EP300: variants seen among roughly 807,000 people sequenced by gnomAD.
EP300 encodes the protein EP300 lysine acetyltransferase, also known as histone acetyltransferase p300.
A neutral mutation model predicts 264.0 loss-of-function variants in EP300; 31 were observed. That is an observed-to-expected ratio of 0.12 (90% CI 0.09 to 0.16). The LOEUF is 0.16. Ranked by LOEUF, EP300 falls within the 10% of genes least tolerant of loss-of-function variation. EP300 has a pLI of 1.00. For missense variants in EP300, 2,766 were observed against 3,052.9 expected, an observed-to-expected ratio of 0.91 and a Z score of 2.21; for synonymous variants, 1,340 against 1,045.4, an observed-to-expected ratio of 1.28 and a Z score of -5.44.
chr22:41,167,427 A>C (rs2059140697), intron 23 of EP300, among the ~76,000 whole-genome samples: 1 of 151,654 alleles, frequency 6.6e-6, no homozygotes, highest in South Asian at 2.1e-4. Flanking sequence ...TATTTGATTT[A>C]GTTTTGGGGT....
intron 22 of EP300, among the ~76,000 whole-genome samples, chr22:41,164,725 G>C (rs574822846): frequency 6.6e-6 from 1 of 152,030 alleles, no homozygotes; most frequent in Non-Finnish European, 1.5e-5. Flanking sequence ...AAAGAAAAAA[G>C]TAAATGCTTT....
At chr22:41,110,897 CCTTTA>C (rs1392076098) in intron 1 of EP300, among the ~76,000 whole-genome samples, 4 of 151,388 alleles carry the variant, frequency 2.6e-5, no homozygotes, top group African/African-American at 9.7e-5. Flanking sequence ...GTTTAGTCAG[CCTTTA>C]CTTTTGAGTT....
chr22:41,113,253 C>T lies in EP300; in HGVS notation c.95-3934C>T, dbSNP rs548201719. ...TTTATTAAGGTTTGAGTATTTTCTC[C>T]GGAATTTATTTATTTTGTATGTTTT... On this transcript the variant is annotated intron_variant, in intron 1 of 30. Coordinates refer to ENST00000263253, the MANE Select transcript of EP300 (RefSeq NM_001429.4). Among the ~76,000 whole-genome samples the T allele has an allele frequency of 6.3e-5, 9 of 143,074 alleles. No homozygotes were observed. The East Asian group carries it at 6.5e-4, about 10-fold the overall frequency. The allele number at this position is 143,074 out of a possible 152,430, so 93.9% of individuals were successfully genotyped here. A position where few individuals can be genotyped will look rare whatever the true frequency, so the allele number is the denominator to read the frequency against.
chr22:41,132,490 T>C (rs956265152), intron 6 of EP300, among the ~76,000 whole-genome samples: 5 of 151,872 alleles, frequency 3.3e-5, no homozygotes, highest in Non-Finnish European at 7.4e-5. Flanking sequence ...GTTTTCACCA[T>C]GTTGGCCATG....
At chr22:41,164,157 T>C in intron 22 of EP300, 27 bp downstream of exon 22, 2 of 1,607,220 alleles carry the variant, frequency 1.2e-6, no homozygotes, top group Non-Finnish European at 1.7e-6. Flanking sequence ...TTACTTTCTC[T>C]GGAATTTTTC....
chr22:41,136,608 C>T (rs1332485440), intron 7 of EP300, among the ~76,000 whole-genome samples: 1 of 151,924 alleles, frequency 6.6e-6, no homozygotes, highest in Non-Finnish European at 1.5e-5. Flanking sequence ...CTCTGGTGAG[C>T]CGTGATTACA....
intron 5 of EP300, among the ~76,000 whole-genome samples, chr22:41,130,533 AAAAACAAAAC>A (rs143829701): frequency 3.3e-5 from 5 of 151,858 alleles, no homozygotes; most frequent in African/African-American, 1.2e-4. Flanking sequence ...TGTCTTTAAA[AAAAACAAAAC>A]AAAACAAAAC....
chr22:41,140,977 T>C, intron 9 of EP300, 71 bp from the exon 10 acceptor site: 1 of 1,429,956 alleles, frequency 7.0e-7, no homozygotes, highest in East Asian at 2.3e-5. Context: ...ATTCTCAGTT[T>C]ATTTTTTCTG....
At chr22:41,115,985 T>A (rs1361584080) in intron 1 of EP300, among the ~76,000 whole-genome samples, 3 of 152,192 alleles carry the variant, frequency 2.0e-5, no homozygotes, top group Non-Finnish European at 4.4e-5. Flanking sequence ...ATTACAATAT[T>A]TAAAATGTTT....
intron 7 of EP300, 34 bp downstream of exon 7, chr22:41,135,940 A>G (rs781483390): frequency 6.9e-7 from 1 of 1,453,490 alleles, no homozygotes; most frequent in Non-Finnish European, 9.7e-7. Flanking sequence ...CCTGGGTCAC[A>G]TTACAAATAC....
chr22:41,156,443 G>A (rs987316012), intron 17 of EP300, among the ~76,000 whole-genome samples: 8 of 152,128 alleles, frequency 5.3e-5, no homozygotes, highest in African/African-American at 1.7e-4. Flanking sequence ...TTACTTGGCC[G>A]GGCACGGTGG....
chr22:41,099,435 A>G (rs181051914), intron 1 of EP300, among the ~76,000 whole-genome samples: 2 of 152,318 alleles, frequency 1.3e-5, no homozygotes, highest in East Asian at 1.9e-4. Flanking sequence ...TAGTGAATAT[A>G]ATTGTCATCA....
chr22:41,118,921 T>C (rs1426451885), intron 2 of EP300, among the ~76,000 whole-genome samples: 2 of 151,970 alleles, frequency 1.3e-5, no homozygotes, highest in South Asian at 2.1e-4. Context: ...AAATTTTTTT[T>C]TGCTGCGAGA....
At chr22:41,110,955 A>G (rs1420925547) in intron 1 of EP300, among the ~76,000 whole-genome samples, 1 of 145,060 alleles carries the variant, frequency 6.9e-6, no homozygotes, top group Non-Finnish European at 1.5e-5. Context: ...CCTATGTTAT[A>G]AATCTTTTTT....
intron 2 of EP300, among the ~76,000 whole-genome samples, chr22:41,124,972 C>T (rs561152373): frequency 5.9e-5 from 9 of 152,210 alleles, no homozygotes; most frequent in Non-Finnish European, 1.5e-5. Flanking sequence ...GGGTCTCACT[C>T]TGTTGCCGAG....
At chr22:41,101,241 A>T (rs972213405) in intron 1 of EP300, among the ~76,000 whole-genome samples, 3 of 151,202 alleles carry the variant, frequency 2.0e-5, no homozygotes, top group African/African-American at 7.3e-5. Flanking sequence ...TGCCTGGCTA[A>T]TGTTTGTATT....
intron 28 of EP300, 77 bp from the exon 29 acceptor site, chr22:41,173,545 GA>G: frequency 1.4e-6 from 2 of 1,427,894 alleles, no homozygotes; most frequent in Non-Finnish European, 2.0e-6. Flanking sequence ...TAGTTTCAAA[GA>G]AGGGAGATAT....
chr22:41,173,086 G>A (rs937407909), intron 28 of EP300, among the ~76,000 whole-genome samples: 6 of 152,144 alleles, frequency 3.9e-5, no homozygotes, highest in African/African-American at 1.4e-4. Flanking sequence ...CAGAATTTAA[G>A]TTACTAAGCC....
At chr22:41,123,020 A>G (rs547114332) in intron 2 of EP300, among the ~76,000 whole-genome samples, 2 of 152,296 alleles carry the variant, frequency 1.3e-5, no homozygotes, top group African/African-American at 4.8e-5. Flanking sequence ...TAGGCAACAG[A>G]GTGAGACCCT....
Sources: gnomAD v4.1 joint callset for allele counts (sites outside exome capture counted in the v4.1 genomes callset) on GRCh38, gnomAD v4.1.1 for gene constraint, MANE v1.5 for transcripts, NCBI Gene and HGNC (gene_info 2026-07-23, HGNC 2026-07-21) for gene names.